Variants in ATP2B1 observed in about 807,000 individuals in gnomAD.
ATP2B1 encodes the protein plasma membrane calcium-transporting ATPase 1.
In ATP2B1, 14 loss-of-function variants were observed where a neutral mutation model predicts 124.2. That is an observed-to-expected ratio of 0.11 (90% CI 0.07 to 0.18). The LOEUF (loss-of-function observed/expected upper bound fraction) is 0.18, where lower values mean the gene tolerates loss of function less well. Among genes scored for constraint, ATP2B1 ranks in the 10% least tolerant of loss-of-function variants. The probability of loss-of-function intolerance (pLI) is 1.00; values close to 1 mark genes in which losing one functional copy is unlikely to be tolerated. For synonymous variants in ATP2B1, 449 were observed against 492.4 expected (o/e 0.91, Z 1.17); for missense variants, 763 against 1,466.1 (o/e 0.52, Z 7.83).
chr12:89,601,253 T>TA, intron 19 of ATP2B1, 73 bp downstream of exon 19: 1 of 1,062,440 alleles, frequency 9.4e-7, no homozygotes, highest in Non-Finnish European at 1.4e-6. Flanking sequence ...ATGAAACTGT[T>TA]AAAGAAAATA....
chr12:89,637,232 G>C (rs1487165391), intron 3 of ATP2B1, among the ~76,000 whole-genome samples: 1 of 152,130 alleles, frequency 6.6e-6, no homozygotes, highest in East Asian at 1.9e-4. Context: ...TGCATAACTG[G>C]TGGGTAGGTA....
At chr12:89,682,156 C>T (rs1889435628) in intron 1 of ATP2B1, among the ~76,000 whole-genome samples, 1 of 152,004 alleles carries the variant, frequency 6.6e-6, no homozygotes, top group Non-Finnish European at 1.5e-5. Flanking sequence ...ATTAAAGACA[C>T]TTATGAATAA....
intron 1 of ATP2B1, among the ~76,000 whole-genome samples, chr12:89,691,891 C>T (rs1478627218): frequency 6.6e-6 from 1 of 152,066 alleles, no homozygotes. Flanking sequence ...CAAAAGCTAG[C>T]TTAGACACAG....
At chr12:89,608,040 A>C (rs1308705364) in intron 15 of ATP2B1, among the ~76,000 whole-genome samples, 2 of 152,118 alleles carry the variant, frequency 1.3e-5, no homozygotes, top group East Asian at 3.8e-4. Flanking sequence ...TAAAAAAAAA[A>C]CTCTAAGACA....
intron 1 of ATP2B1, among the ~76,000 whole-genome samples, chr12:89,697,233 T>C (rs1891246765): frequency 6.6e-6 from 1 of 152,104 alleles, no homozygotes; most frequent in South Asian, 2.1e-4. Flanking sequence ...TTGGAAAAAA[T>C]GTCTTTATAT....
At chr12:89,604,379 T>C (rs1485334339) in intron 15 of ATP2B1, 33 bp from the exon 16 acceptor site, 1 of 1,524,064 alleles carries the variant, frequency 6.6e-7, no homozygotes, top group Non-Finnish European at 8.9e-7. Context: ...TTAGACTAAA[T>C]GTTTTAAGTA....
At chr12:89,617,095 C>A in intron 11 of ATP2B1, 56 bp from the exon 12 acceptor site, 2 of 1,363,692 alleles carry the variant, frequency 1.5e-6, no homozygotes, top group African/African-American at 1.4e-5. Context: ...ATGGTTAATG[C>A]CATTTAAGTG....
chr12:89,705,218 T>C (rs1014560319), intron 1 of ATP2B1, among the ~76,000 whole-genome samples: 2 of 152,164 alleles, frequency 1.3e-5, no homozygotes, highest in Admixed American at 1.3e-4. Flanking sequence ...CCCATAACCA[T>C]TGTATGTTAT....
chr12:89,617,213 C>G, intron 11 of ATP2B1, among the ~76,000 whole-genome samples, 174 bp from the exon 12 acceptor site: 1 of 152,188 alleles, frequency 6.6e-6, no homozygotes. Context: ...TTTTACAAAA[C>G]AGAACTAATA....
chr12:89,683,609 G>C (rs1889620588), intron 1 of ATP2B1, among the ~76,000 whole-genome samples: 1 of 152,242 alleles, frequency 6.6e-6, no homozygotes, highest in South Asian at 2.1e-4. Context: ...CCAGCCCCCG[G>C]TCATTTGAGA....
chr12:89,595,682 T>A (rs1004967652), intron 20 of ATP2B1, among the ~76,000 whole-genome samples: 2 of 152,122 alleles, frequency 1.3e-5, no homozygotes, highest in Non-Finnish European at 2.9e-5. Flanking sequence ...CATAGTTCTA[T>A]ATTTTGGCTG....
rs147050824 is a variant in ATP2B1, at chr12:89,684,358, C to T, written c.-222+24238G>A. Among the ~76,000 whole-genome samples the T allele has an allele frequency of 1.4e-4, 22 of 152,172 alleles. No individual in the cohort carries two copies. The East Asian group carries it at 3.3e-3, about 23-fold the overall frequency. ...GAGGGCCAAGAATTAAATGTGCTAA[C>T]GCTGGGAGCTACCATTCTCGCTATG... On this transcript the variant is annotated intron_variant, in intron 1 of 20. Coordinates refer to ENST00000428670, the MANE Select transcript of ATP2B1 (RefSeq NM_001366521.1).
At chr12:89,661,597 G>C (rs1886699216) in intron 1 of ATP2B1, among the ~76,000 whole-genome samples, 1 of 152,162 alleles carries the variant, frequency 6.6e-6, no homozygotes, top group African/African-American at 2.4e-5. Flanking sequence ...ACTACCATCA[G>C]GGAAATAACT....
At chr12:89,672,597 C>T (rs1592935350) in intron 1 of ATP2B1, among the ~76,000 whole-genome samples, 1 of 152,180 alleles carries the variant, frequency 6.6e-6, no homozygotes. Flanking sequence ...CTCTTGCCTT[C>T]CGTGTACAAT....
chr12:89,646,753 T>C (rs1057291738), intron 2 of ATP2B1, among the ~76,000 whole-genome samples: 2 of 152,090 alleles, frequency 1.3e-5, no homozygotes, highest in African/African-American at 4.8e-5. Flanking sequence ...ACAGTAAGCA[T>C]AGCTAACTTT....
At chr12:89,642,713 T>G (rs1883749484) in intron 2 of ATP2B1, among the ~76,000 whole-genome samples, 1 of 152,146 alleles carries the variant, frequency 6.6e-6, no homozygotes, top group African/African-American at 2.4e-5. Context: ...CAAGTGATTC[T>G]CCTACCTCAC....
chr12:89,593,496 T>C (rs559612927), intron 20 of ATP2B1: 1 of 152,180 alleles, frequency 6.6e-6, no homozygotes, highest in African/African-American at 2.4e-5. Context: ...TCCATCTGTT[T>C]TTCTTTGTAA....
intron 1 of ATP2B1, among the ~76,000 whole-genome samples, chr12:89,657,348 A>G (rs1406173958): frequency 6.6e-6 from 1 of 152,164 alleles, no homozygotes; most frequent in Non-Finnish European, 1.5e-5. Flanking sequence ...TGCCCTAAGC[A>G]TTTTGCTGCT....
chr12:89,599,073 C>T, intron 20 of ATP2B1, 44 bp downstream of exon 20: 1 of 1,587,422 alleles, frequency 6.3e-7, no homozygotes, highest in South Asian at 1.1e-5. Flanking sequence ...GGTCAAAAAG[C>T]CCTGGCTCCC....
Sources: gnomAD v4.1 joint callset for allele counts (sites outside exome capture counted in the v4.1 genomes callset) on GRCh38, gnomAD v4.1.1 for gene constraint, MANE v1.5 for transcripts, NCBI Gene and HGNC (gene_info 2026-07-23, HGNC 2026-07-21) for gene names.